GALNT17: variants seen among roughly 807,000 people sequenced by gnomAD.
GALNT17 encodes the protein polypeptide N-acetylgalactosaminyltransferase 17, also known as UDP-GalNAc:polypeptide N-acetylgalactosaminyltransferase-like 3.
GALNT17 carries 29 observed loss-of-function variants against 63.7 expected under a neutral mutation model. That is an observed-to-expected ratio of 0.46 (90% CI 0.34 to 0.62). GALNT17 has a LOEUF of 0.62. GALNT17 is among the 20% of genes least tolerant of loss of function. The pLI is 0.01. For missense variants in GALNT17, 603 were observed against 799.6 expected (o/e 0.75, Z 2.97); for synonymous variants, 305 against 318.3 (o/e 0.96, Z 0.45).
At chr7:71,209,033 G>A (rs939128579) in intron 1 of GALNT17, among the ~76,000 whole-genome samples, 39 of 152,344 alleles carry the variant, frequency 2.6e-4, no homozygotes, top group African/African-American at 8.7e-4. Context: ...ACGCAACTGT[G>A]CCACTGCAGC....
chr7:71,659,760 A>G (rs1790878579), intron 6 of GALNT17, among the ~76,000 whole-genome samples: 1 of 152,206 alleles, frequency 6.6e-6, no homozygotes, highest in African/African-American at 2.4e-5. Context: ...TGTTGCTGCC[A>G]TCTTTGAATA....
chr7:71,321,433 C>T (rs182326652), intron 1 of GALNT17, among the ~76,000 whole-genome samples: 69 of 152,188 alleles, frequency 4.5e-4, no homozygotes, highest in Non-Finnish European at 7.8e-4. Context: ...AATGTTTGTT[C>T]GGTGCTGAGA....
chr7:71,499,188 T>C (rs997041697), intron 5 of GALNT17, among the ~76,000 whole-genome samples: 2 of 152,188 alleles, frequency 1.3e-5, no homozygotes, highest in Admixed American at 1.3e-4. Flanking sequence ...CGTCATCCCC[T>C]TACCTGAATG....
chr7:71,393,801 T>C (rs1015980757), intron 3 of GALNT17, among the ~76,000 whole-genome samples: 1 of 152,216 alleles, frequency 6.6e-6, no homozygotes, highest in Non-Finnish European at 1.5e-5. Flanking sequence ...CCAGGTAAGA[T>C]GCAATTCTTT....
At chr7:71,504,160 G>A (rs111793276) in intron 5 of GALNT17, among the ~76,000 whole-genome samples, 8,100 of 151,632 alleles carry the variant, frequency 0.053, 308 homozygotes, top group East Asian at 0.23. Flanking sequence ...CCCAGGAGGC[G>A]GAGCTGCAGT....
intron 5 of GALNT17, among the ~76,000 whole-genome samples, chr7:71,476,838 C>T (rs2116629957): frequency 6.6e-6 from 1 of 152,296 alleles, no homozygotes; most frequent in South Asian, 2.1e-4. Context: ...ATTCCAGACT[C>T]ACAGAATCAG....
At chr7:71,324,690 G>GT (rs1791674018) in intron 1 of GALNT17, among the ~76,000 whole-genome samples, 1 of 151,954 alleles carries the variant, frequency 6.6e-6, no homozygotes, top group Non-Finnish European at 1.5e-5. Context: ...AGTCATTTGA[G>GT]TAACAATTTA....
At chr7:71,502,108 C>T (rs1265881950) in intron 5 of GALNT17, among the ~76,000 whole-genome samples, 1 of 152,182 alleles carries the variant, frequency 6.6e-6, no homozygotes, top group Non-Finnish European at 1.5e-5. Flanking sequence ...TACGCAGGCT[C>T]TTGCATTAAA....
rs748239417 is a variant in GALNT17 at position 71,670,106 on chromosome 7, G to T, written c.1401G>T (p.Gly467=). 6.2e-7 allele frequency: 1 copy of T among 1,614,030 alleles called. No individual in the cohort carries two copies. Among genetic ancestry groups the T allele is most frequent in the Non-Finnish European group, 8.5e-7 (1 of 1,179,966 alleles). ...GATACAATAATACCGTTGCTTACGG[G>T]GAGGTAATTCAGACCGTGCATGCTT... is the stretch of plus-strand genomic sequence containing the variant. ...MRRYNNTVAY[G]ELRNNKAKDV... is the part of the protein sequence containing the mutation. The change falls in exon 8 of 11, where the codon GGG becomes GGT. Residue 467 remains glycine, a synonymous_variant. Coordinates refer to ENST00000333538, the MANE Select transcript of GALNT17 (RefSeq NM_022479.3).
chr7:71,652,179 C>G lies in GALNT17; in HGVS notation c.1081-13232C>G, dbSNP rs373568498. 4.6e-5 allele frequency among the ~76,000 whole-genome samples: 7 copies of G among 152,034 alleles called. No individual in the cohort carries two copies. In the East Asian group the frequency reaches 5.8e-4, roughly 13 times the overall value. ...TCTCTGAACTGCTCATCACAAAACA[C>G]TTCATCTTAATTCCTCTTGCCAGTC... is the stretch of plus-strand genomic sequence containing the variant. On this transcript the variant is annotated intron_variant, in intron 6 of 10. Transcript: ENST00000333538.
chr7:71,538,936 TG>T (rs1276396130), intron 5 of GALNT17, among the ~76,000 whole-genome samples: 3 of 151,686 alleles, frequency 2.0e-5, no homozygotes, highest in Non-Finnish European at 2.9e-5. Flanking sequence ...TCAATGTTTT[TG>T]GGGGGTTTTT....
At chr7:71,560,493 TC>T (rs1290464938) in intron 5 of GALNT17, among the ~76,000 whole-genome samples, 1 of 152,106 alleles carries the variant, frequency 6.6e-6, no homozygotes, top group Admixed American at 6.5e-5. Flanking sequence ...AAGCAGTGTC[TC>T]CCGTGGGAAA....
intron 4 of GALNT17, among the ~76,000 whole-genome samples, chr7:71,419,044 G>T (rs1158728135): frequency 6.6e-6 from 1 of 152,106 alleles, no homozygotes; most frequent in Non-Finnish European, 1.5e-5. Flanking sequence ...TCATGCCATT[G>T]CACTATAGCC....
At chr7:71,530,311 G>C (rs999407368) in intron 5 of GALNT17, among the ~76,000 whole-genome samples, 1 of 151,966 alleles carries the variant, frequency 6.6e-6, no homozygotes, top group African/African-American at 2.4e-5. Flanking sequence ...CATAGTATTC[G>C]TGTATGTCTG....
chr7:71,447,957 A>G (rs1013931870), intron 5 of GALNT17, among the ~76,000 whole-genome samples: 1 of 151,882 alleles, frequency 6.6e-6, no homozygotes, highest in Non-Finnish European at 1.5e-5. Context: ...GATTCCTTTC[A>G]CTTCTCTTCT....
intron 6 of GALNT17, among the ~76,000 whole-genome samples, chr7:71,645,192 C>T (rs1562720987): frequency 6.6e-6 from 1 of 152,232 alleles, no homozygotes; most frequent in African/African-American, 2.4e-5. Context: ...AAAGCTGACA[C>T]CAACTTTCTC....
rs568229726 is a variant in GALNT17 at position 71,631,967 on chromosome 7, C to G, written c.1081-33444C>G. Reference sequence around the variant, plus strand: ...CTTGCTCTGTTGCCCAGGCTGGTCTCAAACTCCTGGCCTCAAGCAATTCTC... The same window carrying G: ...CTTGCTCTGTTGCCCAGGCTGGTCTGAAACTCCTGGCCTCAAGCAATTCTC... On this transcript the variant is annotated intron_variant, in intron 6 of 10. Coordinates refer to ENST00000333538, the MANE Select transcript of GALNT17 (RefSeq NM_022479.3). Among the ~76,000 whole-genome samples the G allele has an allele frequency of 2.0e-5, 3 of 151,994 alleles. No individual in the cohort carries two copies. The South Asian group carries it at 6.2e-4, about 32-fold the overall frequency.
chr7:71,511,104 C>T (rs1040422450), intron 5 of GALNT17, among the ~76,000 whole-genome samples: 1 of 152,100 alleles, frequency 6.6e-6, no homozygotes. Context: ...ATCACTTGAT[C>T]CCGGGAGGTC....
intron 9 of GALNT17, among the ~76,000 whole-genome samples, chr7:71,692,520 A>G (rs1791469927): frequency 6.6e-6 from 1 of 152,118 alleles, no homozygotes; most frequent in Non-Finnish European, 1.5e-5. Context: ...AGAGCGATGC[A>G]GAACTTCACA....
Sources: gnomAD v4.1 joint callset for allele counts (sites outside exome capture counted in the v4.1 genomes callset) on GRCh38, gnomAD v4.1.1 for gene constraint, MANE v1.5 for transcripts, NCBI Gene and HGNC (gene_info 2026-07-23, HGNC 2026-07-21) for gene names.